Variants in CDH1 observed in about 807,000 individuals in gnomAD.
CDH1 encodes cadherin 1.
CDH1 carries 35 observed loss-of-function variants against 84.5 expected under a neutral mutation model. The ratio of observed to expected loss-of-function variants is 0.41; its 90% CI spans 0.32 to 0.55. The LOEUF (loss-of-function observed/expected upper bound fraction) is 0.55, where lower values mean the gene tolerates loss of function less well. CDH1 is among the 20% of genes least tolerant of loss of function. CDH1 has a pLI of 0.19. For synonymous variants in CDH1, 417 were observed against 439.0 expected (o/e 0.95, Z 0.63); for missense variants, 994 against 1,126.6 (o/e 0.88, Z 1.68).
chr16:68,782,544 C>T (rs1223834096), intron 2 of CDH1, among the ~76,000 whole-genome samples: 1 of 152,234 alleles, frequency 6.6e-6, no homozygotes, highest in Non-Finnish European at 1.5e-5. Flanking sequence ...TTCAAGTCCA[C>T]ATCTATCTAG....
intron 5 of CDH1, 80 bp downstream of exon 5, chr16:68,808,928 G>T (rs1960747160): frequency 6.6e-6 from 9 of 1,356,470 alleles, no homozygotes; most frequent in Non-Finnish European, 9.4e-6. Flanking sequence ...TGGATCCGCA[G>T]ATCAGAGGCT....
At chr16:68,806,739 G>T (rs1391678323) in intron 3 of CDH1, among the ~76,000 whole-genome samples, 1 of 152,200 alleles carries the variant, frequency 6.6e-6, no homozygotes, top group Non-Finnish European at 1.5e-5. Context: ...CTGGGGCAAG[G>T]AGGTACTGTC....
rs34587343 is a variant in CDH1, at chr16:68,801,371, C to T, written c.164-299C>T. On this transcript the variant is annotated intron_variant, in intron 2 of 15. Coordinates refer to ENST00000261769, the MANE Select transcript of CDH1 (RefSeq NM_004360.5). The stretch of plus-strand genomic sequence containing the variant: ...CCTCAAGTGATCTGCCCACCTTGGC[C>T]TCCCAAAATGCTGGGGTTACAGGCA... Among the ~76,000 whole-genome samples the T allele has an allele frequency of 2.5e-3, 379 of 152,254 alleles. 1 individual carries two copies. The highest frequency in any genetic ancestry group is 8.5e-3 in the African/African-American group (351 of 41,536).
Position 68,823,635 on chromosome 16 carries a change from A to G in CDH1, c.2164+9A>G, listed in dbSNP as rs1596966209. The stretch of plus-strand genomic sequence containing the variant: ...AATTCTTGCTTTGCTAAGTAAGTCC[A>G]GCTGGCAAGTGACTCAGCCTTTGAC... On this transcript the variant is annotated intron_variant, in intron 13 of 15. Transcript: ENST00000261769. The G allele has an allele frequency of 6.3e-7, 1 of 1,578,728 alleles. No homozygotes were observed. Among genetic ancestry groups the G allele is most frequent in the Non-Finnish European group, 8.7e-7 (1 of 1,152,230 alleles).
At chr16:68,745,543 A>ATAT (rs1282262419) in intron 2 of CDH1, among the ~76,000 whole-genome samples, 1 of 14,300 alleles carries the variant, frequency 7.0e-5, no homozygotes, top group African/African-American at 2.6e-4. Flanking sequence ...CAAAAAAAAA[A>ATAT]AAAAAAATAT....
At chr16:68,766,493 G>A (rs971257453) in intron 2 of CDH1, among the ~76,000 whole-genome samples, 2 of 152,136 alleles carry the variant, frequency 1.3e-5, no homozygotes, top group African/African-American at 2.4e-5. Flanking sequence ...TTTTCCCTCT[G>A]TAAAATGGCA....
rs767613429 is a variant in CDH1 at position 68,828,270 on chromosome 16, A to G, written c.2261A>G (p.Tyr754Cys). 1.1e-5 allele frequency: 18 copies of G among 1,614,026 alleles called. No homozygotes were observed. The highest frequency in any genetic ancestry group is 1.6e-4 in the Middle Eastern group (1 of 6,084). Residue 754 changes from tyrosine to cysteine, a missense_variant, in exon 14 of 16, where the codon TAC becomes TGC. Tyr to Cys is a radical substitution (Grantham distance 194). This residue lies in a region of CDH1 where 769 missense variants were observed against 881.8 expected (regional missense o/e 0.87). Transcript: ENST00000261769. ...PEDDTRDNVYYYDEEGGGEED... is the reference protein window; with the variant it reads ...PEDDTRDNVYCYDEEGGGEED... The stretch of plus-strand genomic sequence containing the variant: ...GATGACACCCGGGACAACGTTTATT[A>G]CTATGATGAAGAAGGAGGCGGAGAA...
intron 5 of CDH1, 98 bp from the exon 6 acceptor site, chr16:68,810,099 T>C: frequency 8.0e-7 from 1 of 1,254,354 alleles, no homozygotes; most frequent in South Asian, 1.2e-5. Flanking sequence ...CCTAGGAAGG[T>C]GTGGCAGCCA....
At position 68,823,531 on chromosome 16, in the gene CDH1, G is replaced by A. The variant is rs1272471005; in HGVS notation, c.2069G>A (p.Gly690Glu). The part of the protein sequence containing the change: ...TLEVSVCDCE[G>E]AAGVCRKAQP... ...GAGGTCAGCGTGTGTGACTGTGAAG[G>A]GGCCGCTGGCGTCTGTAGGAAGGCA... Residue 690 changes from glycine (G) to glutamate (E), a missense_variant, in exon 13 of 16, where the codon GGG becomes GAG. Physicochemically the swap from Gly to Glu is moderately conservative, Grantham distance 98. Transcript: ENST00000261769. 1 of 1,614,040 alleles carries A rather than the reference G, an allele frequency of 6.2e-7. No homozygotes were observed. The highest frequency in any genetic ancestry group is 8.5e-7 in the Non-Finnish European group (1 of 1,179,988).
chr16:68,820,686 T>G (rs1961119180), intron 11 of CDH1, among the ~76,000 whole-genome samples: 1 of 152,144 alleles, frequency 6.6e-6, no homozygotes, highest in Non-Finnish European at 1.5e-5. Context: ...TTCCTTTACC[T>G]GAAAAATGTT....
chr16:68,822,564 C>T, intron 12 of CDH1: 1 of 503,342 alleles, frequency 2.0e-6, no homozygotes, highest in Non-Finnish European at 3.8e-6. Flanking sequence ...TTGTGGTTAG[C>T]TCCTTCTTGC....
intron 2 of CDH1, among the ~76,000 whole-genome samples, chr16:68,762,198 C>A (rs1244285366): frequency 1.3e-5 from 2 of 152,188 alleles, no homozygotes; most frequent in Admixed American, 1.3e-4. Context: ...TCCCAGTGTT[C>A]CTTGCCTGGC....
intron 1 of CDH1, among the ~76,000 whole-genome samples, 154 bp downstream of exon 1, chr16:68,737,617 C>G (rs1023773305): frequency 1.3e-5 from 2 of 152,200 alleles, no homozygotes; most frequent in African/African-American, 4.8e-5. Context: ...CTCGCGCGCT[C>G]CGGACCCCCC....
intron 1 of CDH1, among the ~76,000 whole-genome samples, 162 bp downstream of exon 1, chr16:68,737,625 C>T (rs1342577913): frequency 1.3e-5 from 2 of 152,220 alleles, no homozygotes; most frequent in Non-Finnish European, 2.9e-5. Flanking sequence ...CTCCGGACCC[C>T]CCAGTGATGG....
intron 5 of CDH1, among the ~76,000 whole-genome samples, chr16:68,809,509 G>T (rs1358575761): frequency 2.0e-5 from 3 of 151,068 alleles, no homozygotes; most frequent in Admixed American, 6.6e-5. Flanking sequence ...GCCTACAAGA[G>T]GTCATTTGTT....
chr16:68,807,506 A>C (rs8057241), intron 3 of CDH1, among the ~76,000 whole-genome samples: 33,985 of 151,588 alleles, frequency 0.22, 4,827 homozygotes, highest in African/African-American at 0.41. Context: ...CCTGCCTCTA[A>C]AAAAATTTAA....
intron 2 of CDH1, among the ~76,000 whole-genome samples, chr16:68,801,174 C>T (rs1401304862): frequency 6.6e-6 from 1 of 152,148 alleles, no homozygotes; most frequent in African/African-American, 2.4e-5. Context: ...TGCAGTGGCG[C>T]AATCTCAGCT....
At chr16:68,783,075 C>A (rs1959928034) in intron 2 of CDH1, among the ~76,000 whole-genome samples, 1 of 151,992 alleles carries the variant, frequency 6.6e-6, no homozygotes, top group Non-Finnish European at 1.5e-5. Flanking sequence ...AACACCCATC[C>A]CTCCTTTGGT....
At chr16:68,737,996 T>C (rs1962445252) in intron 1 of CDH1, among the ~76,000 whole-genome samples, 1 of 151,612 alleles carries the variant, frequency 6.6e-6, no homozygotes, top group Non-Finnish European at 1.5e-5. Flanking sequence ...CTAAGGAAAG[T>C]GGGGTACTGG....
Sources: allele counts gnomAD v4.1 joint callset (sites outside exome capture counted in the v4.1 genomes callset), GRCh38; gene constraint gnomAD v4.1.1; regional missense constraint gnomAD v4.1.1; transcripts MANE v1.5; gene names NCBI Gene and HGNC (gene_info 2026-07-23, HGNC 2026-07-21).